Variants in L3MBTL4 observed in about 807,000 individuals in gnomAD.
L3MBTL4 encodes the protein lethal(3)malignant brain tumor-like protein 4.
A neutral mutation model predicts 84.5 loss-of-function variants in L3MBTL4; 70 were observed. The ratio of observed to expected loss-of-function variants is 0.83; its 90% CI spans 0.68 to 1.01. The LOEUF (loss-of-function observed/expected upper bound fraction) is 1.01. Among genes scored for constraint, L3MBTL4 ranks in the 50% least tolerant of loss-of-function variants. The pLI, the probability that L3MBTL4 is intolerant of heterozygous loss-of-function variation, is 0.00. For synonymous variants in L3MBTL4, 274 were observed against 259.8 expected, an observed-to-expected ratio of 1.05 and a Z score of -0.52; for missense variants, 715 against 754.8, an observed-to-expected ratio of 0.95 and a Z score of 0.62.
At chr18:6,286,894 G>C (rs957527095) in intron 4 of L3MBTL4, among the ~76,000 whole-genome samples, 8 of 152,148 alleles carry the variant, frequency 5.3e-5, no homozygotes, top group African/African-American at 1.9e-4. Flanking sequence ...TCCACCTCTG[G>C]TTGGGAGCTC....
At chr18:6,120,143 G>C (rs1008558067) in intron 14 of L3MBTL4, among the ~76,000 whole-genome samples, 25 of 152,148 alleles carry the variant, frequency 1.6e-4, no homozygotes, top group Admixed American at 6.5e-4. Context: ...AACACACTGA[G>C]GGCCTGAAAC....
chr18:6,090,111 TG>T (rs1047879463), intron 15 of L3MBTL4, among the ~76,000 whole-genome samples: 80 of 152,320 alleles, frequency 5.3e-4, no homozygotes, highest in African/African-American at 1.9e-3. Context: ...GCACCACGAA[TG>T]TAATACTACC....
At chr18:6,197,357 C>T (rs1477824583) in intron 12 of L3MBTL4, among the ~76,000 whole-genome samples, 2 of 152,168 alleles carry the variant, frequency 1.3e-5, no homozygotes, top group African/African-American at 4.8e-5. Context: ...AGTGAGAACA[C>T]GCAGTGTTTG....
chr18:6,314,039 TAGA>T (rs1187216286), intron 1 of L3MBTL4, among the ~76,000 whole-genome samples: 6 of 6,628 alleles, frequency 9.1e-4, no homozygotes, highest in African/African-American at 4.2e-3. Context: ...TGGCAGATGA[TAGA>T]TAGATAGATA....
intron 12 of L3MBTL4, among the ~76,000 whole-genome samples, chr18:6,196,157 C>CTGTTTTTTTT (rs2045370286): frequency 7.7e-6 from 1 of 130,226 alleles, no homozygotes; most frequent in African/African-American, 3.3e-5. Context: ...TAGAGTTCCT[C>CTGTTTTTTTT]TTTTTTTTTT....
At chr18:6,167,083 T>C (rs1480808838) in intron 13 of L3MBTL4, among the ~76,000 whole-genome samples, 2 of 152,042 alleles carry the variant, frequency 1.3e-5, no homozygotes. Flanking sequence ...CTAGAAGAAA[T>C]GGATAAATTC....
At chr18:6,320,782 C>T (rs1405455479) in intron 1 of L3MBTL4, among the ~76,000 whole-genome samples, 1 of 151,882 alleles carries the variant, frequency 6.6e-6, no homozygotes, top group African/African-American at 2.4e-5. Flanking sequence ...CCAAAATAAC[C>T]AAAGCAACCC....
At chr18:6,133,970 G>C (rs1422719194) in intron 14 of L3MBTL4, among the ~76,000 whole-genome samples, 1 of 152,168 alleles carries the variant, frequency 6.6e-6, no homozygotes, top group Non-Finnish European at 1.5e-5. Context: ...TTGTGCATAT[G>C]GCCTGTATTA....
intron 14 of L3MBTL4, among the ~76,000 whole-genome samples, chr18:6,101,470 C>T (rs1298068225): frequency 6.6e-6 from 1 of 152,210 alleles, no homozygotes; most frequent in Non-Finnish European, 1.5e-5. Context: ...TCCTCCTAAA[C>T]AAGCACCCTC....
chr18:6,028,245 G>T (rs1317328487), intron 16 of L3MBTL4, among the ~76,000 whole-genome samples: 1 of 152,138 alleles, frequency 6.6e-6, no homozygotes, highest in Non-Finnish European at 1.5e-5. Flanking sequence ...TCCAGTTTCT[G>T]TTTTTTGCAT....
chr18:6,147,605 A>G (rs1266267094), intron 13 of L3MBTL4, among the ~76,000 whole-genome samples: 1 of 152,226 alleles, frequency 6.6e-6, no homozygotes, highest in Non-Finnish European at 1.5e-5. Flanking sequence ...CAATCTAACC[A>G]TCTGCCTGAC....
chr18:6,316,467 C>T (rs917486418), intron 1 of L3MBTL4, among the ~76,000 whole-genome samples: 6 of 152,148 alleles, frequency 3.9e-5, no homozygotes, highest in African/African-American at 1.4e-4. Context: ...TGCTGGTGCT[C>T]GTGAAGGGTC....
intron 4 of L3MBTL4, among the ~76,000 whole-genome samples, chr18:6,278,913 T>C (rs774059275): frequency 5.3e-5 from 8 of 152,084 alleles, no homozygotes; most frequent in Admixed American, 1.3e-4. Flanking sequence ...CCTTCTTGTT[T>C]AGTAATTAAA....
chr18:5,993,320 G>A (rs970283930), intron 16 of L3MBTL4, among the ~76,000 whole-genome samples: 4 of 152,110 alleles, frequency 2.6e-5, no homozygotes, highest in South Asian at 2.1e-4. Context: ...GATAAATCTG[G>A]GCACAAAGCA....
intron 16 of L3MBTL4, among the ~76,000 whole-genome samples, chr18:6,000,452 C>T (rs1167155644): frequency 6.6e-6 from 1 of 152,014 alleles, no homozygotes; most frequent in Non-Finnish European, 1.5e-5. Context: ...GGAGAATGGA[C>T]CTTGCATAAC....
chr18:6,310,816 C>A (rs554084102), intron 3 of L3MBTL4, among the ~76,000 whole-genome samples: 1 of 152,298 alleles, frequency 6.6e-6, no homozygotes, highest in Non-Finnish European at 1.5e-5. Context: ...GAACATTATA[C>A]CTTCTAAGTA....
At chr18:6,168,721 A>G (rs2043810644) in intron 13 of L3MBTL4, among the ~76,000 whole-genome samples, 2 of 152,070 alleles carry the variant, frequency 1.3e-5, no homozygotes, top group African/African-American at 4.8e-5. Flanking sequence ...AACCATAAAA[A>G]CCCTAGAAGA....
chr18:6,327,761 G>A (rs2051804594), intron 1 of L3MBTL4, among the ~76,000 whole-genome samples: 1 of 152,110 alleles, frequency 6.6e-6, no homozygotes, highest in African/African-American at 2.4e-5. Flanking sequence ...GCGTAGAGTT[G>A]TTCATTTTCT....
intron 16 of L3MBTL4, among the ~76,000 whole-genome samples, chr18:5,986,681 C>G (rs771788710): frequency 6.6e-5 from 10 of 152,184 alleles, no homozygotes; most frequent in Non-Finnish European, 1.2e-4. Context: ...GGGGAACTGC[C>G]TGAGTGAGTC....
Sources: allele counts gnomAD v4.1 joint callset (sites outside exome capture counted in the v4.1 genomes callset), GRCh38; gene constraint gnomAD v4.1.1; transcripts MANE v1.5; gene names NCBI Gene and HGNC (gene_info 2026-07-23, HGNC 2026-07-21).